Variants in MED14 observed in about 807,000 individuals in gnomAD.
The protein encoded by MED14 is mediator of RNA polymerase II transcription subunit 14.
In MED14, 8 loss-of-function variants were observed where a neutral mutation model predicts 109.0. The ratio of observed to expected loss-of-function variants is 0.07; its 90% confidence interval spans 0.04 to 0.13. MED14 has a LOEUF of 0.13. Ranked by LOEUF, MED14 falls within the 10% of genes least tolerant of loss-of-function variation. The pLI, the probability that MED14 is intolerant of heterozygous loss-of-function variation, is 1.00. For missense variants in MED14, 711 were observed against 1,142.4 expected (o/e 0.62, Z 5.44); for synonymous variants, 399 against 408.7 (o/e 0.98, Z 0.29).
intron 15 of MED14, among the ~76,000 whole-genome samples, chrX:40,689,805 T>C (rs1930433022): frequency 8.9e-6 from 1 of 112,389 alleles, no homozygotes. Flanking sequence ...ATCTTTAACA[T>C]AGCTAGAATG....
chrX:40,732,832 A>G (rs1212055010), intron 1 of MED14, among the ~76,000 whole-genome samples: 2 of 111,036 alleles, frequency 1.8e-5, no homozygotes, highest in Non-Finnish European at 3.8e-5. Context: ...CAGGATAAGC[A>G]AAGAGGAGAG....
chrX:40,690,526 T>A (rs1422988569), intron 15 of MED14, among the ~76,000 whole-genome samples: 3 of 111,273 alleles, frequency 2.7e-5, no homozygotes, highest in Admixed American at 9.5e-5. Flanking sequence ...GCAATTCTCC[T>A]GCCTCAGCCT....
At position 40,701,818 on chromosome X, in the gene MED14, G is replaced by C. The variant is rs1395670189; in HGVS notation, c.1412-575C>G. ...AATGATTTTGATTAATGGGGACAAAGTATAGAAAAAATTAGAAAAGCACTG... is the reference window on the plus strand; with the variant it reads ...AATGATTTTGATTAATGGGGACAAACTATAGAAAAAATTAGAAAAGCACTG... On this transcript the variant is annotated intron_variant, in intron 11 of 30. Coordinates refer to ENST00000324817, the MANE Select transcript of MED14 (RefSeq NM_004229.4). Among the ~76,000 whole-genome samples the C allele has an allele frequency of 3.6e-5, 4 of 111,557 alleles. No individual in the cohort carries two copies. In the East Asian group the frequency reaches 1.1e-3, roughly 31 times the overall value.
Position 40,651,224 on chromosome X carries a change from C to T in MED14, c.*582G>A, listed in dbSNP as rs1047838694. 2.7e-6 allele frequency: 2 copies of T among 751,366 alleles called. No individual in the cohort carries two copies. Among genetic ancestry groups the T allele is most frequent in the Non-Finnish European group, 3.1e-6 (2 of 636,672 alleles). 61.9% of individuals were successfully genotyped at this position (751,366 alleles called of 1,213,427 possible). On this transcript the variant is annotated 3_prime_UTR_variant, in exon 31 of 31. Transcript: ENST00000324817. The stretch of plus-strand genomic sequence containing the variant: ...CACCAGGTTAAAGATGAAGGGAGGG[C>T]CTAAGATGTCTCTAGAGTTTATATA...
intron 15 of MED14, among the ~76,000 whole-genome samples, chrX:40,690,047 C>T (rs996467473): frequency 8.9e-6 from 1 of 112,044 alleles, no homozygotes. Context: ...CATTGCTTTG[C>T]CTCAGCACCA....
At chrX:40,668,034 T>C (rs987064591) in intron 23 of MED14, among the ~76,000 whole-genome samples, 4 of 110,964 alleles carry the variant, frequency 3.6e-5, no homozygotes, top group African/African-American at 1.3e-4. Flanking sequence ...CCATGCTGAG[T>C]TGCAGATATC....
chrX:40,711,452 C>A, intron 7 of MED14, 151 bp from the exon 8 acceptor site: 1 of 394,356 alleles, frequency 2.5e-6, no homozygotes, highest in Non-Finnish European at 4.4e-6. Flanking sequence ...AATGCCTCAT[C>A]GTAAAAAGTA....
In MED14 at chrX:40,735,447, C is replaced by T; in HGVS notation, c.-35G>A. 9.1e-7 allele frequency: 1 copy of T among 1,104,145 alleles called. No individual in the cohort carries two copies. The highest frequency in any genetic ancestry group is 1.2e-6 in the Non-Finnish European group (1 of 827,799). 91.0% of individuals were successfully genotyped at this position (1,104,145 alleles called of 1,213,427 possible). A position where few individuals can be genotyped will look rare whatever the true frequency, so the allele number is the denominator to read the frequency against. ...GGACCGGGCTTGGCGCAACGGCACA[C>T]GATGCGGTCCTCGAGCCTCCCGGGC... is the stretch of plus-strand genomic sequence containing the variant. On this transcript the variant is annotated 5_prime_UTR_variant, in exon 1 of 31. In the 5' UTR this introduces an upstream ATG that the reference lacks. Transcript: ENST00000324817.
chrX:40,666,050 G>T (rs1220168775), intron 24 of MED14, among the ~76,000 whole-genome samples: 4 of 111,783 alleles, frequency 3.6e-5, no homozygotes, highest in African/African-American at 1.3e-4. Context: ...TAAAAACTGA[G>T]GAACCTGTTT....
In MED14 at chrX:40,717,030, A is replaced by C. The variant is rs767719752; in HGVS notation, c.349-2320T>G. Among the ~76,000 whole-genome samples, 3 of 111,403 alleles carry C rather than the reference A, an allele frequency of 2.7e-5. No homozygotes were observed. The East Asian group carries it at 8.4e-4, about 31-fold the overall frequency. On this transcript the variant is annotated intron_variant, in intron 3 of 30. Transcript: ENST00000324817. Reference sequence around the variant, plus strand: ...GGAAGGGGGGAGGAGGTATGAAGAAAAGTTGGTACAAAAATATAGTTAAAA... The same window carrying C: ...GGAAGGGGGGAGGAGGTATGAAGAACAGTTGGTACAAAAATATAGTTAAAA...
intron 21 of MED14, among the ~76,000 whole-genome samples, chrX:40,678,676 T>C (rs1161289120): frequency 9.2e-6 from 1 of 109,227 alleles, no homozygotes; most frequent in African/African-American, 3.3e-5. Context: ...ACAAAAATTA[T>C]CCGGGTGTGG....
chrX:40,692,845 A>G lies in MED14; in HGVS notation c.1708T>C (p.Phe570Leu). Residue 570 changes from phenylalanine to leucine, a missense_variant, in exon 14 of 31, where the codon TTT becomes CTT. Phe to Leu is a conservative substitution (Grantham distance 22, BLOSUM62 0). Transcript: ENST00000324817. Reference protein sequence around the residue: ...KPTQLSYKYYFMSVNAADRED... With the variant: ...KPTQLSYKYYLMSVNAADRED... Reference sequence around the variant, plus strand: ...CGATCTGCAGCATTCACAGACATAAAGTAGTACTTGTACGACAGTTGTGTG... The same window carrying G: ...CGATCTGCAGCATTCACAGACATAAGGTAGTACTTGTACGACAGTTGTGTG... 3.3e-6 allele frequency: 4 copies of G among 1,204,491 alleles called. No individual in the cohort carries two copies. The highest frequency in any genetic ancestry group is 4.5e-6 in the Non-Finnish European group (4 of 892,872).
chrX:40,709,448 T>C lies in MED14; in HGVS notation c.1185A>G (p.Leu395=). 9.1e-7 allele frequency: 1 copy of C among 1,094,381 alleles called. No individual in the cohort carries two copies. Among genetic ancestry groups the C allele is most frequent in the Non-Finnish European group, 1.2e-6 (1 of 812,987 alleles). The allele number at this position is 1,094,381 out of a possible 1,213,427, so 90.2% of individuals were successfully genotyped here. The change falls in exon 10 of 31, where the codon TTA becomes TTG. Residue 395 remains leucine, a synonymous_variant. Coordinates refer to ENST00000324817, the MANE Select transcript of MED14 (RefSeq NM_004229.4). ...LVERAMKIDH[L]SIEKLLIDSV... ...TGTCAATCAGGAGTTTTTCTATTGA[T>C]AAGTGGTCGATCTGCATAAATAAGA...
intron 11 of MED14, among the ~76,000 whole-genome samples, chrX:40,701,669 A>T (rs1250411493): frequency 8.9e-6 from 1 of 112,064 alleles, no homozygotes; most frequent in East Asian, 2.8e-4. Flanking sequence ...TATGAAACAC[A>T]AATGATCTCT....
intron 10 of MED14, among the ~76,000 whole-genome samples, chrX:40,708,478 G>A (rs543558974): frequency 8.9e-6 from 1 of 112,029 alleles, no homozygotes; most frequent in South Asian, 3.7e-4. Context: ...ATAATGGATT[G>A]AGCTGAGCTC....
intron 24 of MED14, 142 bp from the exon 25 acceptor site, chrX:40,664,631 C>G (rs148102320): frequency 0.02 from 7,159 of 361,160 alleles, 51 homozygotes; most frequent in Middle Eastern, 0.065. Flanking sequence ...TGTGTGTTAA[C>G]ATGTCATGCC....
rs374665356 is a variant in MED14, at chrX:40,730,911, G to A, written c.216-1566C>T. Among the ~76,000 whole-genome samples, 14 of 100,804 alleles carry A rather than the reference G, an allele frequency of 1.4e-4. No individual in the cohort carries two copies. The East Asian group carries it at 3.5e-3, about 25-fold the overall frequency. 87.5% of individuals were successfully genotyped at this position (100,804 alleles called of 115,157 possible). A position where few individuals can be genotyped will look rare whatever the true frequency, so the allele number is the denominator to read the frequency against. ...CCAGCACTTTGGGAGGCTTGGTGGC[G>A]GGGGGGTGGGGTGCAGATCGCTTGA... On this transcript the variant is annotated intron_variant, in intron 1 of 30. Coordinates refer to ENST00000324817, the MANE Select transcript of MED14 (RefSeq NM_004229.4).
At chrX:40,667,408 C>T (rs1161239720) in intron 23 of MED14, among the ~76,000 whole-genome samples, 1 of 111,512 alleles carries the variant, frequency 9.0e-6, no homozygotes, top group Non-Finnish European at 1.9e-5. Context: ...ATGAGGATAC[C>T]CAGGGGATGA....
Position 40,679,273 on chromosome X carries a change from G to A in MED14, c.2880+591C>T, listed in dbSNP as rs761678532. ...TGTAATCCCAGCACTTTGGGAGGCTGAGGCAGGTGGATCACCTGAGGTCAG... is the reference window on the plus strand; with the variant it reads ...TGTAATCCCAGCACTTTGGGAGGCTAAGGCAGGTGGATCACCTGAGGTCAG... On this transcript the variant is annotated intron_variant, in intron 21 of 30. Coordinates refer to ENST00000324817, the MANE Select transcript of MED14 (RefSeq NM_004229.4). 7.9e-4 allele frequency among the ~76,000 whole-genome samples: 88 copies of A among 111,994 alleles called. 1 individual carries two copies. The highest frequency in any genetic ancestry group is 1.4e-3 in the Non-Finnish European group (77 of 53,107).
Sources: allele counts gnomAD v4.1 joint callset (sites outside exome capture counted in the v4.1 genomes callset), GRCh38; gene constraint gnomAD v4.1.1; transcripts MANE v1.5; gene names NCBI Gene and HGNC (gene_info 2026-07-23, HGNC 2026-07-21).